Variants in GPC3 observed in about 807,000 individuals in gnomAD.
GPC3 encodes the protein glypican 3.
GPC3 carries 3 observed loss-of-function variants against 34.4 expected under a neutral mutation model. That is an observed-to-expected ratio of 0.09 (90% CI 0.04 to 0.23). The LOEUF (loss-of-function observed/expected upper bound fraction) is 0.23, where lower values mean the gene tolerates loss of function less well. GPC3 is among the 10% of genes least tolerant of loss of function. The probability of loss-of-function intolerance (pLI) is 1.00; values close to 1 mark genes in which losing one functional copy is unlikely to be tolerated. For missense variants in GPC3, 351 were observed against 445.6 expected (o/e 0.79, Z 1.91); for synonymous variants, 177 against 174.0 (o/e 1.02, Z -0.13).
chrX:133,877,112 A>C (rs1458992197), intron 2 of GPC3, among the ~76,000 whole-genome samples: 1 of 112,064 alleles, frequency 8.9e-6, no homozygotes, highest in Non-Finnish European at 1.9e-5. Flanking sequence ...TAACCTCTAT[A>C]GTGGATATTT....
At chrX:133,954,738 C>CT (rs1166218378) in intron 1 of GPC3, among the ~76,000 whole-genome samples, 6,146 of 53,758 alleles carry the variant, frequency 0.11, 1,239 homozygotes, top group East Asian at 0.32. Flanking sequence ...CAAACTTTCT[C>CT]TTTTTTTTTT....
At chrX:133,806,687 C>T (rs62601619) in intron 2 of GPC3, among the ~76,000 whole-genome samples, 8 of 109,723 alleles carry the variant, frequency 7.3e-5, no homozygotes, top group Non-Finnish European at 1.3e-4. Flanking sequence ...CTTTCTCTGT[C>T]GCCCAGGCTG....
At chrX:133,749,119 G>A (rs1476090402) in intron 3 of GPC3, among the ~76,000 whole-genome samples, 3 of 111,501 alleles carry the variant, frequency 2.7e-5, no homozygotes, top group Non-Finnish European at 5.7e-5. Context: ...AAATTAGCCA[G>A]GTATTATGGC....
chrX:133,929,120 T>C (rs1397065726), intron 2 of GPC3, among the ~76,000 whole-genome samples: 1 of 112,144 alleles, frequency 8.9e-6, no homozygotes, highest in African/African-American at 3.2e-5. Context: ...GATTTTTATG[T>C]ACAGTATAAG....
intron 7 of GPC3, among the ~76,000 whole-genome samples, chrX:133,589,445 C>T (rs1486137901): frequency 1.8e-5 from 2 of 111,186 alleles, no homozygotes; most frequent in Non-Finnish European, 3.8e-5. Flanking sequence ...GGTGCAATCT[C>T]GGCTCACTGC....
intron 2 of GPC3, among the ~76,000 whole-genome samples, chrX:133,913,959 C>T (rs892610946): frequency 1.8e-5 from 2 of 109,811 alleles, no homozygotes; most frequent in East Asian, 2.9e-4. Context: ...AACTCCAAAC[C>T]AATCACCTCC....
chrX:133,667,221 C>T (rs2070776705), intron 5 of GPC3, among the ~76,000 whole-genome samples: 1 of 111,961 alleles, frequency 8.9e-6, no homozygotes, highest in Non-Finnish European at 1.9e-5. Context: ...TTAAGAACTA[C>T]TCTTTTAGTG....
intron 2 of GPC3, among the ~76,000 whole-genome samples, chrX:133,941,886 T>C (rs1205013765): frequency 8.9e-6 from 1 of 112,294 alleles, no homozygotes; most frequent in Non-Finnish European, 1.9e-5. Context: ...AAGGGACAAG[T>C]TATACTTAAA....
At chrX:133,638,389 A>G (rs1181556508) in intron 6 of GPC3, among the ~76,000 whole-genome samples, 1 of 111,799 alleles carries the variant, frequency 8.9e-6, no homozygotes, top group Non-Finnish European at 1.9e-5. Flanking sequence ...GTGCTGATGA[A>G]TGAAGTCTGT....
chrX:133,907,858 G>T (rs1350172103), intron 2 of GPC3, among the ~76,000 whole-genome samples: 1 of 111,029 alleles, frequency 9.0e-6, no homozygotes, highest in Non-Finnish European at 1.9e-5. Flanking sequence ...TTGCCAAATT[G>T]CTGTTCCAAA....
chrX:133,585,389 C>T (rs1416879993), intron 7 of GPC3, among the ~76,000 whole-genome samples: 2 of 111,068 alleles, frequency 1.8e-5, no homozygotes, highest in Non-Finnish European at 3.8e-5. Flanking sequence ...TCTCTACCTG[C>T]AGCCACTAGG....
intron 2 of GPC3, among the ~76,000 whole-genome samples, chrX:133,854,046 T>A (rs1224450154): frequency 8.9e-6 from 1 of 111,843 alleles, no homozygotes; most frequent in African/African-American, 3.2e-5. Context: ...GATGGCATAT[T>A]TTTTTCTTTT....
chrX:133,873,594 A>G (rs1269316242), intron 2 of GPC3, among the ~76,000 whole-genome samples: 1 of 111,584 alleles, frequency 9.0e-6, no homozygotes, highest in Middle Eastern at 4.2e-3. Flanking sequence ...GGGTGGAAAT[A>G]CTATCTATAT....
intron 7 of GPC3, among the ~76,000 whole-genome samples, chrX:133,593,332 AAAAAAAAAAAAAAAAAAAAAGT>A (rs1426537481): frequency 4.2e-5 from 4 of 94,525 alleles, no homozygotes; most frequent in African/African-American, 8.4e-5. Flanking sequence ...GACTGTCTCA[AAAAAAAAAAAAAAAAAAAAAGT>A]AAAAAAAAAA....
intron 2 of GPC3, among the ~76,000 whole-genome samples, chrX:133,839,784 T>C (rs2075815415): frequency 9.3e-6 from 1 of 108,052 alleles, no homozygotes; most frequent in Non-Finnish European, 1.9e-5. Flanking sequence ...CAAGAAAAAT[T>C]AGGCGTGGTG....
At chrX:133,763,584 T>C in intron 2 of GPC3, 1 of 609,241 alleles carries the variant, frequency 1.6e-6, no homozygotes, top group South Asian at 2.2e-5. Context: ...AGCAGTTCCC[T>C]ACTGAAGACT....
At chrX:133,562,674 G>C (rs1022140964) in intron 7 of GPC3, among the ~76,000 whole-genome samples, 3 of 111,593 alleles carry the variant, frequency 2.7e-5, no homozygotes, top group Non-Finnish European at 5.6e-5. Flanking sequence ...CTGCACCTCA[G>C]TCTCCATCTG....
intron 2 of GPC3, chrX:133,763,747 T>A: frequency 2.2e-6 from 1 of 455,911 alleles, no homozygotes; most frequent in Admixed American, 3.3e-5. Flanking sequence ...AACATCAGTT[T>A]CAAAAAAAAA....
At chrX:133,968,830 G>C (rs145006159) in intron 1 of GPC3, among the ~76,000 whole-genome samples, 5 of 109,440 alleles carry the variant, frequency 4.6e-5, no homozygotes, top group Non-Finnish European at 9.5e-5. Flanking sequence ...AAAAAGGATA[G>C]AATAGGGGAT....
Sources: gnomAD v4.1 joint callset for allele counts (sites outside exome capture counted in the v4.1 genomes callset) on GRCh38, gnomAD v4.1.1 for gene constraint, MANE v1.5 for transcripts, NCBI Gene and HGNC (gene_info 2026-07-23, HGNC 2026-07-21) for gene names.